ECHDC1: variants seen among roughly 807,000 people sequenced by gnomAD.
The protein encoded by ECHDC1 is ethylmalonyl-CoA decarboxylase.
ECHDC1 carries 29 observed loss-of-function variants against 29.7 expected under a neutral mutation model. The ratio of observed to expected loss-of-function variants is 0.98; its 90% CI spans 0.73 to 1.33. The LOEUF is 1.33. ECHDC1 is among the 40% of genes most tolerant of loss of function. The pLI is 0.00. For synonymous variants in ECHDC1, 126 were observed against 123.1 expected (o/e 1.02, Z -0.15); for missense variants, 328 against 350.0 (o/e 0.94, Z 0.50).
In ECHDC1 at chr6:127,289,214, CAAAT is replaced by C. The variant is rs1229678548; in HGVS notation, c.*651_*654del. On this transcript the variant is annotated 3_prime_UTR_variant, in exon 6 of 6. Transcript: ENST00000454859. ...TACTAGTTGGAAATTCCAGGGCACA[CAAAT>C]GAATGTCCAATTGTAGAATCAGTTG... The C allele has an allele frequency of 6.6e-6, 1 of 152,000 alleles. No individual in the cohort carries two copies. Among genetic ancestry groups the C allele is most frequent in the Non-Finnish European group, 1.5e-5 (1 of 67,954 alleles). The allele number at this position is 152,000 out of a possible 1,614,324, so 9.4% of individuals were successfully genotyped here.
chr6:127,321,328 T>C (rs1782807392), intron 3 of ECHDC1, among the ~76,000 whole-genome samples: 1 of 152,154 alleles, frequency 6.6e-6, no homozygotes, highest in Admixed American at 6.5e-5. Flanking sequence ...TTCAGAATGT[T>C]TCAGCCATGA....
intron 5 of ECHDC1, among the ~76,000 whole-genome samples, chr6:127,308,724 T>C (rs1035560052): frequency 1.3e-5 from 2 of 152,170 alleles, no homozygotes; most frequent in Non-Finnish European, 2.9e-5. Context: ...TATCCTTGTT[T>C]GTAGATTATA....
At chr6:127,338,397 A>G (rs1333278821) in intron 1 of ECHDC1, among the ~76,000 whole-genome samples, 1 of 152,154 alleles carries the variant, frequency 6.6e-6, no homozygotes, top group Non-Finnish European at 1.5e-5. Flanking sequence ...ATTAAATTTA[A>G]TGTATAATCT....
At chr6:127,332,532 C>T (rs1164246370) in intron 1 of ECHDC1, among the ~76,000 whole-genome samples, 1 of 151,948 alleles carries the variant, frequency 6.6e-6, no homozygotes, top group Non-Finnish European at 1.5e-5. Context: ...ACTGGTCTGA[C>T]TGAGGTAAGG....
At chr6:127,297,044 A>G (rs1292904086) in intron 5 of ECHDC1, among the ~76,000 whole-genome samples, 1 of 152,180 alleles carries the variant, frequency 6.6e-6, no homozygotes, top group Non-Finnish European at 1.5e-5. Flanking sequence ...AGAAATGCAT[A>G]TTAAAACTAT....
intron 1 of ECHDC1, among the ~76,000 whole-genome samples, chr6:127,336,249 T>C (rs1201137085): frequency 6.6e-6 from 1 of 152,118 alleles, no homozygotes; most frequent in African/African-American, 2.4e-5. Context: ...TGTAGAAGAA[T>C]GAGAGGATAC....
intron 5 of ECHDC1, among the ~76,000 whole-genome samples, chr6:127,300,317 T>C (rs1048415609): frequency 6.6e-6 from 1 of 152,192 alleles, no homozygotes; most frequent in Non-Finnish European, 1.5e-5. Context: ...CCATACGTGG[T>C]AGGTAGATTG....
At chr6:127,315,813 T>A (rs1782318674) in intron 4 of ECHDC1, 1 of 401,800 alleles carries the variant, frequency 2.5e-6, no homozygotes, top group African/African-American at 2.1e-5. Flanking sequence ...AATGTCCAAT[T>A]AATAACCTTG....
intron 5 of ECHDC1, among the ~76,000 whole-genome samples, chr6:127,292,048 TTAGAAA>T (rs1780240659): frequency 6.6e-6 from 1 of 152,076 alleles, no homozygotes; most frequent in South Asian, 2.1e-4. Context: ...TCTAATATTC[TTAGAAA>T]TAGGAATATT....
rs546023860 is a variant in ECHDC1 at position 127,288,982 on chromosome 6, C to T, written c.*887G>A. 164 of 152,110 alleles carry T rather than the reference C, an allele frequency of 1.1e-3. No individual in the cohort carries two copies. The highest frequency in any genetic ancestry group is 3.7e-3 in the African/African-American group (155 of 41,536). 9.4% of individuals were successfully genotyped at this position (152,110 alleles called of 1,614,324 possible). A position where few individuals can be genotyped will look rare whatever the true frequency, so the allele number is the denominator to read the frequency against. On this transcript the variant is annotated 3_prime_UTR_variant, in exon 6 of 6. Coordinates refer to ENST00000454859, the MANE Select transcript of ECHDC1 (RefSeq NM_001002030.2). ...AACTAGAACTTAATTCTTTGACTTT[C>T]ACATTTTTTAAAAAGTGTATTGCTG... is the stretch of plus-strand genomic sequence containing the variant.
intron 5 of ECHDC1, among the ~76,000 whole-genome samples, chr6:127,300,881 T>C (rs1781002657): frequency 1.3e-5 from 2 of 152,226 alleles, no homozygotes; most frequent in African/African-American, 4.8e-5. Flanking sequence ...ACAGAATTTG[T>C]GGTAGTTTGT....
chr6:127,312,442 GTGGTGCAGCTGGAACTTTC>G (rs1335729906), intron 5 of ECHDC1, among the ~76,000 whole-genome samples: 1 of 152,118 alleles, frequency 6.6e-6, no homozygotes, highest in Non-Finnish European at 1.5e-5. Flanking sequence ...TGGTATTCAT[GTGGTGCAGCTGGAACTTTC>G]TTCCATTGCT....
chr6:127,334,244 A>T (rs951003984), intron 1 of ECHDC1, among the ~76,000 whole-genome samples: 2 of 152,142 alleles, frequency 1.3e-5, no homozygotes, highest in African/African-American at 4.8e-5. Context: ...TACTTCACGT[A>T]AAACCCATTA....
intron 1 of ECHDC1, among the ~76,000 whole-genome samples, chr6:127,338,283 T>C (rs957202516): frequency 2.0e-5 from 3 of 152,194 alleles, no homozygotes; most frequent in Non-Finnish European, 4.4e-5. Flanking sequence ...TTTTCAGTTT[T>C]GTCAGAGAAA....
intron 4 of ECHDC1, 91 bp from the exon 5 acceptor site, chr6:127,314,987 G>A: frequency 8.3e-7 from 1 of 1,202,510 alleles, no homozygotes; most frequent in Non-Finnish European, 1.2e-6. Flanking sequence ...AAATGCAGTG[G>A]AAACAAAATT....
At chr6:127,335,573 C>A (rs913382601) in intron 1 of ECHDC1, among the ~76,000 whole-genome samples, 1 of 152,030 alleles carries the variant, frequency 6.6e-6, no homozygotes. Flanking sequence ...TAACTTTATT[C>A]TTTCCCTTAA....
intron 5 of ECHDC1, among the ~76,000 whole-genome samples, chr6:127,312,137 GAT>G (rs1212980054): frequency 1.3e-5 from 2 of 152,116 alleles, no homozygotes; most frequent in East Asian, 3.9e-4. Context: ...TTAAAGTAGA[GAT>G]AGACATAGAC....
At chr6:127,312,937 A>C (rs1562317099) in intron 5 of ECHDC1, 2 of 152,156 alleles carry the variant, frequency 1.3e-5, no homozygotes. Flanking sequence ...CATACTCTAT[A>C]TATTTATGTA....
intron 3 of ECHDC1, among the ~76,000 whole-genome samples, chr6:127,321,801 G>A (rs1255079844): frequency 6.6e-6 from 1 of 151,858 alleles, no homozygotes; most frequent in African/African-American, 2.4e-5. Flanking sequence ...TCAGGAGTTC[G>A]AGACCAGCCT....
Sources: gnomAD v4.1 joint callset for allele counts (sites outside exome capture counted in the v4.1 genomes callset) on GRCh38, gnomAD v4.1.1 for gene constraint, MANE v1.5 for transcripts, NCBI Gene and HGNC (gene_info 2026-07-23, HGNC 2026-07-21) for gene names.